GABRA3: variants seen among roughly 807,000 people sequenced by gnomAD.
GABRA3 encodes the protein gamma-aminobutyric acid receptor subunit alpha-3.
GABRA3 carries 10 observed loss-of-function variants against 30.1 expected under a neutral mutation model. The observed-to-expected ratio is 0.33, with a 90% CI of 0.20 to 0.56. The LOEUF (loss-of-function observed/expected upper bound fraction) is 0.56, where lower values mean the gene tolerates loss of function less well. Ranked by LOEUF, GABRA3 falls within the 20% of genes least tolerant of loss-of-function variation. The pLI is 0.89. For missense variants in GABRA3, 233 were observed against 392.0 expected (o/e 0.59, Z 3.42); for synonymous variants, 151 against 146.8 (o/e 1.03, Z -0.21).
chrX:152,285,733 T>C (rs1307572009), intron 3 of GABRA3, among the ~76,000 whole-genome samples: 1 of 109,920 alleles, frequency 9.1e-6, no homozygotes, highest in Non-Finnish European at 1.9e-5. Context: ...CTGGTGAGGG[T>C]CCACTCCTCA....
At chrX:152,395,444 CACATAA>C (rs1929634474) in intron 1 of GABRA3, among the ~76,000 whole-genome samples, 2 of 111,263 alleles carry the variant, frequency 1.8e-5, no homozygotes, top group African/African-American at 6.5e-5. Flanking sequence ...AATTAGTATA[CACATAA>C]AATACACAAG....
chrX:152,290,356 G>T (rs1439729217), intron 3 of GABRA3, among the ~76,000 whole-genome samples: 1 of 111,115 alleles, frequency 9.0e-6, no homozygotes, highest in Non-Finnish European at 1.9e-5. Context: ...TTTTTGATGG[G>T]GTTGTTTGTT....
intron 2 of GABRA3, among the ~76,000 whole-genome samples, chrX:152,350,852 T>G (rs930199042): frequency 2.7e-5 from 3 of 112,135 alleles, no homozygotes; most frequent in Non-Finnish European, 5.6e-5. Context: ...TTCTTCTTGA[T>G]CAATGGGCTG....
intron 3 of GABRA3, among the ~76,000 whole-genome samples, chrX:152,321,866 C>G (rs190886292): frequency 1.2e-4 from 13 of 110,250 alleles, no homozygotes; most frequent in African/African-American, 4.3e-4. Flanking sequence ...CTGTCCTTCC[C>G]TACTCTCTCC....
At chrX:152,346,651 T>C (rs1242888028) in intron 2 of GABRA3, among the ~76,000 whole-genome samples, 9 of 111,962 alleles carry the variant, frequency 8.0e-5, no homozygotes, top group African/African-American at 2.6e-4. Context: ...TAGGAAAAAG[T>C]ATAATAATCC....
At chrX:152,264,313 G>T (rs983707399) in intron 4 of GABRA3, among the ~76,000 whole-genome samples, 4 of 111,310 alleles carry the variant, frequency 3.6e-5, no homozygotes, top group Non-Finnish European at 7.6e-5. Context: ...GATATAAATA[G>T]AAACAACAAA....
At chrX:152,170,727 G>A (rs1459747738) in intron 9 of GABRA3, among the ~76,000 whole-genome samples, 3 of 112,163 alleles carry the variant, frequency 2.7e-5, no homozygotes, top group Non-Finnish European at 5.6e-5. Context: ...GCAAGACCTT[G>A]AAAGGCCTTA....
At chrX:152,372,159 G>T (rs1928857902) in intron 1 of GABRA3, among the ~76,000 whole-genome samples, 1 of 109,099 alleles carries the variant, frequency 9.2e-6, no homozygotes, top group African/African-American at 3.3e-5. Context: ...AGAATGAGGG[G>T]TTTTTAGAAA....
At chrX:152,394,853 G>A (rs1171783054) in intron 1 of GABRA3, among the ~76,000 whole-genome samples, 1 of 111,336 alleles carries the variant, frequency 9.0e-6, no homozygotes, top group African/African-American at 3.3e-5. Flanking sequence ...GGGTATGTAT[G>A]GCATTTTGTC....
At chrX:152,385,694 T>C (rs1335008505) in intron 1 of GABRA3, among the ~76,000 whole-genome samples, 3 of 111,763 alleles carry the variant, frequency 2.7e-5, no homozygotes, top group South Asian at 3.8e-4. Flanking sequence ...TGGTAATGCC[T>C]AGGTTTTCTT....
At chrX:152,275,214 T>TTA (rs756783169) in intron 4 of GABRA3, among the ~76,000 whole-genome samples, 8 of 54,734 alleles carry the variant, frequency 1.5e-4, no homozygotes, top group East Asian at 4.9e-4. Flanking sequence ...ATATATAATA[T>TTA]TATATATATA....
intron 1 of GABRA3, among the ~76,000 whole-genome samples, chrX:152,430,922 G>A (rs756712473): frequency 1.8e-5 from 2 of 110,381 alleles, no homozygotes; most frequent in Non-Finnish European, 3.8e-5. Flanking sequence ...ACGAGCTAGT[G>A]TGAGAATGAG....
intron 3 of GABRA3, among the ~76,000 whole-genome samples, chrX:152,324,448 G>C (rs1171327277): frequency 8.9e-6 from 1 of 112,005 alleles, no homozygotes; most frequent in African/African-American, 3.2e-5. Context: ...AGAAGCTGTT[G>C]ACATTGTGTA....
rs187253983 is a variant in GABRA3, at chrX:152,199,369, A to T, written c.779-1584T>A. 4.6e-5 allele frequency among the ~76,000 whole-genome samples: 5 copies of T among 108,182 alleles called. No individual in the cohort carries two copies. The East Asian group carries it at 8.7e-4, about 19-fold the overall frequency. 93.9% of individuals were successfully genotyped at this position (108,182 alleles called of 115,157 possible). On this transcript the variant is annotated intron_variant, in intron 7 of 9. Coordinates refer to ENST00000370314, the MANE Select transcript of GABRA3 (RefSeq NM_000808.4). ...CAACAGGCGAGACTCTGTCTCAAAA[A>T]AAAAAAAATAAAAAAAGCAAAAAAC... is the stretch of plus-strand genomic sequence containing the variant.
chrX:152,333,593 C>T (rs1375145725), intron 3 of GABRA3, among the ~76,000 whole-genome samples: 1 of 111,805 alleles, frequency 8.9e-6, no homozygotes, highest in African/African-American at 3.2e-5. Context: ...CATATCTCTA[C>T]ATAGCTATAA....
In GABRA3 at chrX:152,168,548, C is replaced by T; in HGVS notation, c.1159G>A (p.Ala387Thr). ...ALEMKKKTPA[A>T]PAKKTSTTFN... ...GTAGTGCTGGTTTTCTTTGCTGGGG[C>T]TGCTGGTGTTTTCTTCTAGAGGCCA... is the stretch of plus-strand genomic sequence containing the variant. Residue 387 changes from alanine (A) to threonine (T), a missense_variant, in exon 10 of 10, where the codon GCC (alanine) becomes ACC (threonine). By Grantham distance (58) the Ala-to-Thr change is moderately conservative. This residue lies in a region of GABRA3 where 66 missense variants were observed against 57.1 expected (regional missense o/e 1.16). Coordinates refer to ENST00000370314, the MANE Select transcript of GABRA3 (RefSeq NM_000808.4). 8.3e-7 allele frequency: 1 copy of T among 1,205,378 alleles called. No homozygotes were observed. The highest frequency in any genetic ancestry group is 1.1e-6 in the Non-Finnish European group (1 of 890,714).
chrX:152,294,390 C>T (rs775721663), intron 3 of GABRA3, among the ~76,000 whole-genome samples: 21 of 111,049 alleles, frequency 1.9e-4, no homozygotes, highest in South Asian at 7.7e-4. Flanking sequence ...CTTCAATCAC[C>T]GATACCCTTT....
At chrX:152,236,033 G>A (rs1332916903) in intron 5 of GABRA3, among the ~76,000 whole-genome samples, 4 of 82,652 alleles carry the variant, frequency 4.8e-5, no homozygotes, top group Admixed American at 1.5e-4. Flanking sequence ...TAGGGTACAT[G>A]TGCACATTGT....
chrX:152,444,846 G>A (rs1173002396), intron 1 of GABRA3, among the ~76,000 whole-genome samples: 2 of 91,543 alleles, frequency 2.2e-5, no homozygotes, highest in Admixed American at 1.3e-4. Flanking sequence ...CGGATCACGA[G>A]GTCAGGAGAT....
Sources: gnomAD v4.1 joint callset for allele counts (sites outside exome capture counted in the v4.1 genomes callset) on GRCh38, gnomAD v4.1.1 for gene constraint, gnomAD v4.1.1 regional missense constraint, MANE v1.5 for transcripts, NCBI Gene and HGNC (gene_info 2026-07-23, HGNC 2026-07-21) for gene names.